ST6GALNAC3: variants seen among roughly 807,000 people sequenced by gnomAD.
ST6GALNAC3 encodes the protein alpha-N-acetylgalactosaminide alpha-2,6-sialyltransferase 3.
In ST6GALNAC3, 25 loss-of-function variants were observed where a neutral mutation model predicts 32.7. That is an observed-to-expected ratio of 0.76 (90% CI 0.56 to 1.07). ST6GALNAC3 has a LOEUF of 1.07. Ranked by LOEUF, ST6GALNAC3 falls within the 50% of genes least tolerant of loss-of-function variation. The pLI is 0.00. For synonymous variants in ST6GALNAC3, 129 were observed against 133.1 expected (o/e 0.97, Z 0.21); for missense variants, 355 against 382.4 (o/e 0.93, Z 0.60).
chr1:76,341,278 G>T (rs960859009), intron 2 of ST6GALNAC3, among the ~76,000 whole-genome samples: 1 of 151,710 alleles, frequency 6.6e-6, no homozygotes, highest in African/African-American at 2.4e-5. Context: ...CCAATGTTCA[G>T]CTCCTGCTTG....
chr1:76,612,898 G>A (rs948106710), intron 3 of ST6GALNAC3, among the ~76,000 whole-genome samples: 1 of 152,196 alleles, frequency 6.6e-6, no homozygotes, highest in Non-Finnish European at 1.5e-5. Flanking sequence ...TGAACATCAA[G>A]GAAAGAACTT....
chr1:76,187,011 C>A (rs1376214339), intron 1 of ST6GALNAC3, among the ~76,000 whole-genome samples: 1 of 152,202 alleles, frequency 6.6e-6, no homozygotes, highest in Admixed American at 6.5e-5. Context: ...ACCCTTCCCA[C>A]TTCCTTAAGC....
chr1:76,363,702 A>T (rs977845231), intron 2 of ST6GALNAC3, among the ~76,000 whole-genome samples: 1 of 152,202 alleles, frequency 6.6e-6, no homozygotes, highest in Non-Finnish European at 1.5e-5. Context: ...TCTACAGGCT[A>T]TGCAGGAAGC....
At chr1:76,141,299 T>C (rs1170788825) in intron 1 of ST6GALNAC3, among the ~76,000 whole-genome samples, 1 of 152,228 alleles carries the variant, frequency 6.6e-6, no homozygotes, top group Non-Finnish European at 1.5e-5. Context: ...TTCTCTCGTC[T>C]GTTGCCCAGA....
chr1:76,258,978 G>A (rs908784018), intron 1 of ST6GALNAC3, among the ~76,000 whole-genome samples: 2 of 152,160 alleles, frequency 1.3e-5, no homozygotes, highest in Admixed American at 1.3e-4. Flanking sequence ...GCTTTCAAAT[G>A]TGGTGGGAGC....
At chr1:76,510,949 T>G (rs1571467551) in intron 3 of ST6GALNAC3, among the ~76,000 whole-genome samples, 1 of 152,250 alleles carries the variant, frequency 6.6e-6, no homozygotes, top group African/African-American at 2.4e-5. Context: ...ATCATAAAAT[T>G]AAAAAAACTG....
At chr1:76,486,960 G>A (rs987829468) in intron 3 of ST6GALNAC3, among the ~76,000 whole-genome samples, 3 of 152,050 alleles carry the variant, frequency 2.0e-5, no homozygotes, top group African/African-American at 2.4e-5. Context: ...GTCTGTAAAG[G>A]ATTTTATTTC....
intron 3 of ST6GALNAC3, among the ~76,000 whole-genome samples, chr1:76,566,600 T>A (rs1347948548): frequency 6.6e-6 from 1 of 152,054 alleles, no homozygotes; most frequent in Non-Finnish European, 1.5e-5. Context: ...CGCTACCCAG[T>A]GTCTCACTCC....
chr1:76,492,014 T>C (rs779427383), intron 3 of ST6GALNAC3, among the ~76,000 whole-genome samples: 1 of 152,214 alleles, frequency 6.6e-6, no homozygotes, highest in Non-Finnish European at 1.5e-5. Context: ...ATGTACATAA[T>C]TAGATATACA....
chr1:76,432,671 G>A (rs1655848503), intron 3 of ST6GALNAC3, among the ~76,000 whole-genome samples: 1 of 151,702 alleles, frequency 6.6e-6, no homozygotes, highest in Non-Finnish European at 1.5e-5. Context: ...TGCCTAGGCT[G>A]GTTTTGAACT....
At chr1:76,076,327 C>CT (rs1646815656) in intron 1 of ST6GALNAC3, among the ~76,000 whole-genome samples, 1 of 152,232 alleles carries the variant, frequency 6.6e-6, no homozygotes, top group South Asian at 2.1e-4. Context: ...ACATCCCAAA[C>CT]TACACATGAA....
intron 1 of ST6GALNAC3, among the ~76,000 whole-genome samples, chr1:76,293,151 C>A (rs1213288397): frequency 2.0e-5 from 3 of 152,012 alleles, no homozygotes; most frequent in Non-Finnish European, 4.4e-5. Flanking sequence ...TCATGTTTTC[C>A]TTTTAATCTT....
chr1:76,298,553 C>T (rs1219976379), intron 1 of ST6GALNAC3, among the ~76,000 whole-genome samples: 1 of 152,016 alleles, frequency 6.6e-6, no homozygotes, highest in African/African-American at 2.4e-5. Flanking sequence ...CCCTGAACGT[C>T]AGCATAAATA....
intron 1 of ST6GALNAC3, among the ~76,000 whole-genome samples, chr1:76,076,751 T>C (rs1317314275): frequency 1.3e-5 from 2 of 152,230 alleles, no homozygotes; most frequent in African/African-American, 4.8e-5. Context: ...TTTTTTATTC[T>C]TTAATCTTTA....
chr1:76,316,596 A>AG (rs961471820), intron 2 of ST6GALNAC3, among the ~76,000 whole-genome samples: 4 of 152,074 alleles, frequency 2.6e-5, no homozygotes, highest in African/African-American at 9.7e-5. Context: ...GGAAAAAAAA[A>AG]GCAAGGAAAT....
chr1:76,198,370 T>G (rs1570403443), intron 1 of ST6GALNAC3, among the ~76,000 whole-genome samples: 1 of 152,192 alleles, frequency 6.6e-6, no homozygotes, highest in African/African-American at 2.4e-5. Flanking sequence ...TGGGCAATTA[T>G]AAGATTTTAT....
chr1:76,613,275 G>A (rs757140095), intron 3 of ST6GALNAC3, among the ~76,000 whole-genome samples: 16 of 152,192 alleles, frequency 1.1e-4, no homozygotes, highest in Non-Finnish European at 1.3e-4. Context: ...TCTCCTGGGG[G>A]GTCCAATAAA....
chr1:76,123,714 CTTAG>C, intron 1 of ST6GALNAC3, among the ~76,000 whole-genome samples: 1 of 146,644 alleles, frequency 6.8e-6, no homozygotes, highest in East Asian at 2.0e-4. Context: ...ACAAGTAGTT[CTTAG>C]CATGCTCCAG....
intron 1 of ST6GALNAC3, among the ~76,000 whole-genome samples, chr1:76,168,440 A>C (rs958589174): frequency 4.0e-5 from 6 of 151,640 alleles, no homozygotes; most frequent in Admixed American, 3.3e-4. Context: ...TATGGCAATG[A>C]AAATTGTTTT....
Sources: allele counts gnomAD v4.1 joint callset (sites outside exome capture counted in the v4.1 genomes callset), GRCh38; gene constraint gnomAD v4.1.1; transcripts MANE v1.5; gene names NCBI Gene and HGNC (gene_info 2026-07-23, HGNC 2026-07-21).